The following C12orf42 variants were observed in gnomAD, a reference collection of about 807,000 sequenced individuals.
C12orf42 encodes chromosome 12 open reading frame 42.
In C12orf42, 25 loss-of-function variants were observed where a neutral mutation model predicts 21.6. The ratio of observed to expected loss-of-function variants is 1.16; its 90% CI spans 0.84 to 1.62. C12orf42 has a LOEUF of 1.62. Ranked by LOEUF, C12orf42 falls within the 40% of genes most tolerant of loss-of-function variation. C12orf42 has a pLI of 0.00. For missense variants in C12orf42, 483 were observed against 459.3 expected, an observed-to-expected ratio of 1.05 and a Z score of -0.47; for synonymous variants, 174 against 175.0, an observed-to-expected ratio of 0.99 and a Z score of 0.05.
At chr12:103,293,811 CAT>C (rs1250197727) in intron 4 of C12orf42, among the ~76,000 whole-genome samples, 4 of 152,088 alleles carry the variant, frequency 2.6e-5, no homozygotes, top group African/African-American at 9.7e-5. Context: ...TGAGAATACT[CAT>C]GTGTTCAGTT....
intron 1 of C12orf42, among the ~76,000 whole-genome samples, chr12:103,485,600 A>G (rs1254625003): frequency 6.6e-6 from 1 of 152,204 alleles, no homozygotes; most frequent in Non-Finnish European, 1.5e-5. Flanking sequence ...CTTCCTATCC[A>G]TGAGCATGAA....
At chr12:103,176,247 C>T in the C12orf42 span, among the ~76,000 whole-genome samples, 2 of 152,154 alleles carry the variant, frequency 1.3e-5, no homozygotes, top group Non-Finnish European at 2.9e-5. Flanking sequence ...TATTCTCAAA[C>T]ATACATCGTA....
At chr12:103,088,703 T>C in the C12orf42 span, among the ~76,000 whole-genome samples, 1 of 152,176 alleles carries the variant, frequency 6.6e-6, no homozygotes, top group African/African-American at 2.4e-5. Flanking sequence ...GGCTAGGTCA[T>C]AAAATGTAGC....
At chr12:103,422,493 C>A (rs781263988) in intron 2 of C12orf42, among the ~76,000 whole-genome samples, 2 of 152,096 alleles carry the variant, frequency 1.3e-5, no homozygotes, top group African/African-American at 2.4e-5. Context: ...TTACTGGATG[C>A]GGTACATTTC....
chr12:103,529,993 A>G, the C12orf42 span, among the ~76,000 whole-genome samples: 1 of 152,132 alleles, frequency 6.6e-6, no homozygotes, highest in African/African-American at 2.4e-5. Flanking sequence ...CCCTGTCTTC[A>G]TTTTGCTTTA....
At chr12:103,215,922 A>C in the C12orf42 span, among the ~76,000 whole-genome samples, 2 of 152,236 alleles carry the variant, frequency 1.3e-5, no homozygotes. Flanking sequence ...AAATATCTCA[A>C]GTGTCTCCCT....
the C12orf42 span, among the ~76,000 whole-genome samples, chr12:103,110,017 C>T: frequency 5.9e-5 from 9 of 151,928 alleles, no homozygotes; most frequent in South Asian, 4.1e-4. Flanking sequence ...AAAGTCTGGG[C>T]GAAAGAGCAA....
At chr12:103,086,182 A>T in the C12orf42 span, among the ~76,000 whole-genome samples, 1 of 152,116 alleles carries the variant, frequency 6.6e-6, no homozygotes, top group Non-Finnish European at 1.5e-5. Context: ...CATTTGAGAC[A>T]ACTGTTGATA....
intron 2 of C12orf42, among the ~76,000 whole-genome samples, chr12:103,467,566 G>C (rs1953245547): frequency 1.3e-5 from 2 of 152,130 alleles, no homozygotes; most frequent in Admixed American, 1.3e-4. Flanking sequence ...GGGTAGAACA[G>C]GTGGGTTGAT....
the C12orf42 span, among the ~76,000 whole-genome samples, chr12:103,513,853 A>G: frequency 6.8e-6 from 1 of 146,162 alleles, no homozygotes; most frequent in Non-Finnish European, 1.5e-5. Context: ...GAGGAAAACT[A>G]AAAAAAAAAA....
At chr12:103,204,281 A>T in the C12orf42 span, among the ~76,000 whole-genome samples, 1 of 152,148 alleles carries the variant, frequency 6.6e-6, no homozygotes, top group African/African-American at 2.4e-5. Flanking sequence ...CAACTTCTTT[A>T]AAAAATCCCA....
At chr12:103,054,468 A>G in the C12orf42 span, among the ~76,000 whole-genome samples, 53 of 151,938 alleles carry the variant, frequency 3.5e-4, no homozygotes, top group Admixed American at 2.8e-3. Context: ...ATTAGTTCTA[A>G]GAGGCTTTTT....
At chr12:103,513,041 C>G in the C12orf42 span, among the ~76,000 whole-genome samples, 1 of 151,928 alleles carries the variant, frequency 6.6e-6, no homozygotes, top group Non-Finnish European at 1.5e-5. Context: ...ACCCACTCCT[C>G]TGCCAGCCCA....
chr12:103,224,852 A>G, the C12orf42 span, among the ~76,000 whole-genome samples: 3 of 152,146 alleles, frequency 2.0e-5, no homozygotes, highest in Non-Finnish European at 2.9e-5. Context: ...GCTCTTGTGT[A>G]AGAATTCTGA....
At chr12:103,506,126 A>G in the C12orf42 span, 2 of 192,968 alleles carry the variant, frequency 1.0e-5, no homozygotes, top group South Asian at 2.1e-4. Flanking sequence ...TTATCATTAT[A>G]AAGCTGATAG....
the C12orf42 span, among the ~76,000 whole-genome samples, chr12:103,530,616 G>A: frequency 6.8e-5 from 10 of 147,512 alleles, no homozygotes; most frequent in Admixed American, 4.7e-4. Context: ...CCTGTCTCCC[G>A]GCAAGTGTTC....
chr12:103,502,263 A>G, the C12orf42 span, among the ~76,000 whole-genome samples: 3 of 152,022 alleles, frequency 2.0e-5, no homozygotes, highest in African/African-American at 7.3e-5. Context: ...TTCATTTTAG[A>G]TGTCATCTTC....
At chr12:103,110,354 A>C in the C12orf42 span, among the ~76,000 whole-genome samples, 4 of 152,234 alleles carry the variant, frequency 2.6e-5, no homozygotes, top group Non-Finnish European at 5.9e-5. Flanking sequence ...GCAAGATTAC[A>C]TATTGCTAAT....
chr12:103,062,097 CTTA>C, the C12orf42 span, among the ~76,000 whole-genome samples: 3 of 151,874 alleles, frequency 2.0e-5, no homozygotes, highest in Non-Finnish European at 2.9e-5. Context: ...CAAGTCAATG[CTTA>C]TTATGATCTT....
Sources: gnomAD v4.1 joint callset for allele counts (sites outside exome capture counted in the v4.1 genomes callset) on GRCh38, gnomAD v4.1.1 for gene constraint, MANE v1.5 for transcripts, NCBI Gene and HGNC (gene_info 2026-07-23, HGNC 2026-07-21) for gene names.